PREX2: variants seen among roughly 807,000 people sequenced by gnomAD.
PREX2 encodes phosphatidylinositol 3,4,5-trisphosphate-dependent Rac exchanger 2 protein.
In PREX2, 107 loss-of-function variants were observed where a neutral mutation model predicts 203.2. The observed-to-expected ratio is 0.53, with a 90% CI of 0.45 to 0.62. The LOEUF (loss-of-function observed/expected upper bound fraction) is 0.62, where lower values mean the gene tolerates loss of function less well. Among genes scored for constraint, PREX2 ranks in the 20% least tolerant of loss-of-function variants. The pLI is 0.00. For missense variants in PREX2, 1,777 were observed against 1,955.9 expected, an observed-to-expected ratio of 0.91 and a Z score of 1.72; for synonymous variants, 672 against 663.6, an observed-to-expected ratio of 1.01 and a Z score of -0.19.
intron 39 of PREX2, among the ~76,000 whole-genome samples, chr8:68,226,942 A>T (rs7821308): frequency 0.28 from 42,585 of 152,112 alleles, 6,710 homozygotes; most frequent in South Asian, 0.47. Flanking sequence ...AGAAGAAGTG[A>T]TGTTTTGAGA....
chr8:68,153,450 A>G (rs916073589), intron 34 of PREX2, among the ~76,000 whole-genome samples: 7 of 152,284 alleles, frequency 4.6e-5, no homozygotes, highest in Non-Finnish European at 8.8e-5. Flanking sequence ...ACCTAAATTT[A>G]ATGGAATGTT....
At chr8:68,052,470 A>G (rs1388619837) in intron 8 of PREX2, among the ~76,000 whole-genome samples, 1 of 152,234 alleles carries the variant, frequency 6.6e-6, no homozygotes, top group Non-Finnish European at 1.5e-5. Flanking sequence ...TTATCTTCAA[A>G]AATTTTTTTA....
intron 11 of PREX2, among the ~76,000 whole-genome samples, chr8:68,061,922 G>A (rs1808868009): frequency 6.6e-6 from 1 of 152,288 alleles, no homozygotes; most frequent in East Asian, 1.9e-4. Context: ...AAGGTTTAAA[G>A]AATTTCTATG....
chr8:67,976,347 T>C (rs1358044569), intron 1 of PREX2, among the ~76,000 whole-genome samples: 2 of 152,082 alleles, frequency 1.3e-5, no homozygotes, highest in Non-Finnish European at 2.9e-5. Context: ...CTCAGCCATG[T>C]GGAGAGACCC....
intron 8 of PREX2, among the ~76,000 whole-genome samples, chr8:68,049,117 C>CTTTT (rs3056658): frequency 8.6e-6 from 1 of 116,174 alleles, no homozygotes; most frequent in African/African-American, 3.0e-5. Flanking sequence ...CAATTAGAAT[C>CTTTT]TTTTTTTTTT....
intron 27 of PREX2, among the ~76,000 whole-genome samples, chr8:68,119,117 C>A (rs1810715697): frequency 6.6e-6 from 1 of 152,126 alleles, no homozygotes; most frequent in Admixed American, 6.5e-5. Context: ...AGAACAAAGA[C>A]CTTTCATTCC....
chr8:67,957,769 G>A (rs574791362), intron 1 of PREX2, among the ~76,000 whole-genome samples: 1 of 152,348 alleles, frequency 6.6e-6, no homozygotes, highest in African/African-American at 2.4e-5. Flanking sequence ...AGCACATTAT[G>A]CTTAAGGTTT....
chr8:68,183,893 T>A (rs938550736), intron 35 of PREX2, among the ~76,000 whole-genome samples: 7 of 152,138 alleles, frequency 4.6e-5, no homozygotes, highest in African/African-American at 1.7e-4. Context: ...TATTGTCTTG[T>A]CTTGTTAATA....
At chr8:68,184,260 AT>A (rs1050596891) in intron 35 of PREX2, among the ~76,000 whole-genome samples, 1 of 152,110 alleles carries the variant, frequency 6.6e-6, no homozygotes, top group Non-Finnish European at 1.5e-5. Flanking sequence ...CTTCATGAGA[AT>A]TTTTTATAGA....
Position 68,115,886 on chromosome 8 carries a change from CA to C in PREX2, c.3281del (p.Gln1094ArgfsTer53). 1.2e-6 allele frequency: 2 copies of C among 1,613,662 alleles called. No homozygotes were observed. The highest frequency in any genetic ancestry group is 1.7e-6 in the Non-Finnish European group (2 of 1,179,828). On this transcript the variant is annotated frameshift_variant, in exon 26 of 40. Coordinates refer to ENST00000288368, the MANE Select transcript of PREX2 (RefSeq NM_024870.4). LOFTEE classifies it high-confidence loss of function. ...ATGTTTTAATGTAGCAGGAGATGAA[CA>C]GGAAGATTCTGGTCATGACACCATC... The part of the protein sequence containing the change: ...RVCFNVAGDE[Q>X]EDSGHDTISN...
At chr8:68,119,147 T>A (rs1405086839) in intron 27 of PREX2, among the ~76,000 whole-genome samples, 1 of 152,206 alleles carries the variant, frequency 6.6e-6, no homozygotes, top group East Asian at 1.9e-4. Flanking sequence ...AAATCTTAAT[T>A]TTTGATTATG....
At chr8:68,024,348 A>G (rs1807653101) in intron 4 of PREX2, among the ~76,000 whole-genome samples, 1 of 151,830 alleles carries the variant, frequency 6.6e-6, no homozygotes, top group Non-Finnish European at 1.5e-5. Context: ...TGTTTGCTGT[A>G]TTTTGGGACT....
chr8:68,223,355 A>G (rs1283695881), intron 38 of PREX2: 1 of 152,188 alleles, frequency 6.6e-6, no homozygotes, highest in Non-Finnish European at 1.5e-5. Context: ...AAGTGGGGAA[A>G]GAGCAGAATA....
chr8:68,131,577 C>CT (rs5892138), intron 31 of PREX2, among the ~76,000 whole-genome samples: 99,947 of 151,936 alleles, frequency 0.66, 33,158 homozygotes, highest in East Asian at 0.91. Context: ...GAAAAGTTGA[C>CT]GTTAATTGCA....
intron 27 of PREX2, 69 bp downstream of exon 27, chr8:68,118,713 A>C: frequency 9.3e-7 from 1 of 1,076,760 alleles, no homozygotes; most frequent in Non-Finnish European, 1.4e-6. Flanking sequence ...TTAAGGTTTT[A>C]ATTTCGTAGA....
At position 68,080,540 on chromosome 8, in the gene PREX2, A is replaced by G. The variant is rs1411199532; in HGVS notation, c.1740A>G (p.Lys580=). ...EGSNMKHRLM[K]HDLKVVENVI... is the part of the protein sequence containing the mutation. ...CAAATATGAAACATCGACTTATGAA[A>G]CATGACTTAAAAGTTGTGGAAAATG... Residue 580 remains lysine, a synonymous_variant, in exon 16 of 40, where the codon AAA becomes AAG. Transcript: ENST00000288368. 4.3e-6 allele frequency: 7 copies of G among 1,610,714 alleles called. No individual in the cohort carries two copies. In the Middle Eastern group the frequency reaches 5.0e-4, roughly 114 times the overall value.
At chr8:68,193,998 A>G (rs540942799) in intron 37 of PREX2, among the ~76,000 whole-genome samples, 2 of 152,318 alleles carry the variant, frequency 1.3e-5, no homozygotes, top group South Asian at 4.1e-4. Flanking sequence ...TTTAATTTTC[A>G]TTGCTGTGTA....
chr8:68,095,360 G>T (rs1810027239), intron 21 of PREX2, among the ~76,000 whole-genome samples: 1 of 152,060 alleles, frequency 6.6e-6, no homozygotes, highest in South Asian at 2.1e-4. Flanking sequence ...CTAGCTGTGG[G>T]CTCACCAAGT....
chr8:68,197,248 AC>A (rs1371252518), intron 37 of PREX2, among the ~76,000 whole-genome samples: 1 of 151,818 alleles, frequency 6.6e-6, no homozygotes, highest in Non-Finnish European at 1.5e-5. Flanking sequence ...ATCCCCATAA[AC>A]CCCACATGTC....
Sources: allele counts gnomAD v4.1 joint callset (sites outside exome capture counted in the v4.1 genomes callset), GRCh38; gene constraint gnomAD v4.1.1; transcripts MANE v1.5; gene names NCBI Gene and HGNC (gene_info 2026-07-23, HGNC 2026-07-21).